The following EWSR1 variants were observed in gnomAD, a reference collection of about 807,000 sequenced individuals.
EWSR1 encodes the protein RNA-binding protein EWS.
Under a neutral mutation model 92.1 loss-of-function variants are expected in EWSR1, and 14 were observed. That is an observed-to-expected ratio of 0.15 (90% CI 0.10 to 0.24). EWSR1 has a LOEUF of 0.24. EWSR1 is among the 10% of genes least tolerant of loss of function. EWSR1 has a pLI of 1.00. For missense variants in EWSR1, 637 were observed against 870.9 expected, an observed-to-expected ratio of 0.73 and a Z score of 3.38; for synonymous variants, 303 against 292.9, an observed-to-expected ratio of 1.03 and a Z score of -0.35.
rs777722463 is a variant in EWSR1, at chr22:29,272,396, G to A, written c.67G>A (p.Ala23Thr). The change falls in exon 3 of 17, where the codon GCC becomes ACC. Residue 23 changes from alanine to threonine, a missense_variant. By Grantham distance (58) the Ala-to-Thr change is moderately conservative. Coordinates refer to ENST00000397938, the MANE Select transcript of EWSR1 (RefSeq NM_005243.4). Reference sequence around the variant, plus strand: ...CTTTTGCAGCTACAGTGCTTACACCGCCCAGCCCACTCAAGGATATGCACA... The same window carrying A: ...CTTTTGCAGCTACAGTGCTTACACCACCCAGCCCACTCAAGGATATGCACA... The part of the protein sequence containing the change: ...AAQQGYSAYT[A>T]QPTQGYAQTT... The A allele has an allele frequency of 6.8e-6, 11 of 1,613,206 alleles. No individual in the cohort carries two copies. The Middle Eastern group carries it at 5.6e-4, about 82-fold the overall frequency.
intron 8 of EWSR1, chr22:29,290,505 C>G (rs1348678167): frequency 6.2e-7 from 1 of 1,612,514 alleles, no homozygotes; most frequent in South Asian, 1.1e-5. Flanking sequence ...TGGGACTAGA[C>G]ACGGTGTCCA....
At chr22:29,291,973 CAAATGTTAA>C (rs2147539819) in intron 9 of EWSR1, 155 bp from the exon 10 acceptor site, 4 of 682,440 alleles carry the variant, frequency 5.9e-6, no homozygotes, top group Admixed American at 2.6e-5. Flanking sequence ...AAACCTTTCA[CAAATGTTAA>C]AGAGACACTG....
rs191493458 is a variant in EWSR1 at position 29,278,567 on chromosome 22, G to C, written c.413+351G>C. Among the ~76,000 whole-genome samples the C allele has an allele frequency of 2.5e-3, 385 of 152,258 alleles. 1 individual carries two copies. The highest frequency in any genetic ancestry group is 4.2e-3 in the Admixed American group (64 of 15,294). ...CGGGGGGGCGCAGTGGCTCACGCCT[G>C]TAATCCCAGCACTTTGGGAGGCCGA... On this transcript the variant is annotated intron_variant, in intron 5 of 16. Transcript: ENST00000397938.
chr22:29,289,309 A>G (rs9625761), intron 8 of EWSR1: 1 of 230,798 alleles, frequency 4.3e-6, no homozygotes, highest in South Asian at 1.8e-4. Context: ...ACCTGATTAC[A>G]TAGAGTTTGG....
At chr22:29,288,151 C>T (rs2060188659) in intron 7 of EWSR1, among the ~76,000 whole-genome samples, 1 of 152,174 alleles carries the variant, frequency 6.6e-6, no homozygotes, top group Admixed American at 6.5e-5. Context: ...AGGATCATTG[C>T]TCTTTTTAAA....
intron 6 of EWSR1, 150 bp downstream of exon 6, chr22:29,282,707 C>A (rs899631984): frequency 5.2e-5 from 29 of 553,344 alleles, no homozygotes; most frequent in African/African-American, 7.9e-5. Flanking sequence ...ACATTAAAGC[C>A]TGAGATCTAG....
chr22:29,288,636 T>C lies in EWSR1; in HGVS notation c.824T>C (p.Met275Thr). ...TTCCGACAGGACCACCCCAGTAGCA[T>C]GGGTGTTTATGGGCAGGAGTCTGGA... ...SSFRQDHPSS[M>T]GVYGQESGGF... is the part of the protein sequence containing the mutation. Residue 275 changes from methionine to threonine, a missense_variant, in exon 8 of 17, where the codon ATG becomes ACG. Around this residue, in one of 5 missense-constraint regions of EWSR1, gnomAD observed 116 missense variants for 167.8 expected, o/e 0.69. Transcript: ENST00000397938. The C allele has an allele frequency of 6.2e-7, 1 of 1,613,320 alleles. No individual in the cohort carries two copies. The highest frequency in any genetic ancestry group is 8.5e-7 in the Non-Finnish European group (1 of 1,179,784).
Position 29,299,283 on chromosome 22 carries a change from A to G in EWSR1, c.1630A>G (p.Lys544Glu). ...CTGGAGAACAGAGTGCAACCAGTGT[A>G]AGGCCCCAAAGCCTGAAGGCTTCCT... ...FAWRTECNQCKAPKPEGFLPP... is the reference protein window; with the variant it reads ...FAWRTECNQCEAPKPEGFLPP... The change falls in exon 15 of 17, where the codon AAG becomes GAG. Residue 544 changes from lysine to glutamate, a missense_variant. Around this residue, in one of 5 missense-constraint regions of EWSR1, gnomAD observed 363 missense variants for 447.8 expected, o/e 0.81. Coordinates refer to ENST00000397938, the MANE Select transcript of EWSR1 (RefSeq NM_005243.4). 6.2e-7 allele frequency: 1 copy of G among 1,614,054 alleles called. No individual in the cohort carries two copies. Among genetic ancestry groups the G allele is most frequent in the Non-Finnish European group, 8.5e-7 (1 of 1,179,932 alleles).
intron 8 of EWSR1, chr22:29,291,129 C>A: frequency 4.1e-6 from 1 of 241,672 alleles, no homozygotes; most frequent in Non-Finnish European, 8.0e-6. Context: ...TGTTAGGAAA[C>A]CCTGGGCCTC....
At chr22:29,292,190 T>C in intron 10 of EWSR1, 21 bp downstream of exon 10, 1 of 1,612,428 alleles carries the variant, frequency 6.2e-7, no homozygotes, top group South Asian at 1.1e-5. Flanking sequence ...ATTCTAGTTG[T>C]GCTTCATATC....
In EWSR1 at chr22:29,297,837, T is replaced by C. The variant is rs764772705; in HGVS notation, c.1305T>C (p.Phe435=). 6.2e-7 allele frequency: 1 copy of C among 1,614,004 alleles called. No individual in the cohort carries two copies. Among genetic ancestry groups the C allele is most frequent in the Non-Finnish European group, 8.5e-7 (1 of 1,179,970 alleles). The change falls in exon 13 of 17, where the codon TTT becomes TTC. Residue 435 remains phenylalanine, a synonymous_variant. Coordinates refer to ENST00000397938, the MANE Select transcript of EWSR1 (RefSeq NM_005243.4). ...AAVEWFDGKD[F]QGSKLKVSLA... is the part of the protein sequence containing the mutation. Reference sequence around the variant, plus strand: ...GTTGTCTTGTTCCAGGGAAAGATTTTCAAGGGAGCAAACTTAAAGTCTCCC... The same window carrying C: ...GTTGTCTTGTTCCAGGGAAAGATTTCCAAGGGAGCAAACTTAAAGTCTCCC...
In EWSR1 at chr22:29,300,478, G is replaced by GTT. The variant is rs76631619; in HGVS notation, c.*332_*333dup. 400 of 185,722 alleles carry GTT rather than the reference G, an allele frequency of 2.2e-3. No homozygotes were observed. The highest frequency in any genetic ancestry group is 4.5e-3 in the South Asian group (23 of 5,164). 11.5% of individuals were successfully genotyped at this position (185,722 alleles called of 1,614,324 possible). A position where few individuals can be genotyped will look rare whatever the true frequency, so the allele number is the denominator to read the frequency against. The stretch of plus-strand genomic sequence containing the variant: ...CTGTAACAATGTTCATGGTTGTGAT[G>GTT]TTTTTTTTTTTTTTTTAAATAAAAT... On this transcript the variant is annotated 3_prime_UTR_variant, in exon 17 of 17. Transcript: ENST00000397938.
At chr22:29,270,449 C>A (rs1046243484) in intron 1 of EWSR1, among the ~76,000 whole-genome samples, 2 of 152,128 alleles carry the variant, frequency 1.3e-5, no homozygotes, top group Non-Finnish European at 2.9e-5. Flanking sequence ...AAAGTAATTA[C>A]GTTTGCATCA....
chr22:29,268,282 A>T lies in EWSR1; in HGVS notation c.-55A>T, dbSNP rs1260717558. On this transcript the variant is annotated 5_prime_UTR_variant, in exon 1 of 17. Coordinates refer to ENST00000397938, the MANE Select transcript of EWSR1 (RefSeq NM_005243.4). Reference sequence around the variant, plus strand: ...TTTGCGCCTGCGCAGTGCGGCGCCTAGAGGGAAAGCGAGAGGGAGACGGAC... The same window carrying T: ...TTTGCGCCTGCGCAGTGCGGCGCCTTGAGGGAAAGCGAGAGGGAGACGGAC... The T allele has an allele frequency of 1.9e-6, 3 of 1,601,004 alleles. No individual in the cohort carries two copies. Among genetic ancestry groups the T allele is most frequent in the East Asian group, 4.5e-5 (2 of 44,822 alleles).
chr22:29,290,819 C>T (rs1569101553), intron 8 of EWSR1: 2 of 434,932 alleles, frequency 4.6e-6, no homozygotes, highest in Non-Finnish European at 6.8e-6. Flanking sequence ...GGGGAGCTGC[C>T]TTTATTTAAT....
Position 29,268,352 on chromosome 22 carries a change from G to A in EWSR1, c.13+3G>A, listed in dbSNP as rs923446320. ...AGGAGAGAAAATGGCGTCCACGGGT[G>A]AGTATGGTGGAACTGCGGTCGCGCC... On this transcript the variant is annotated splice_donor_region_variant and intron_variant, in intron 1 of 16. Coordinates refer to ENST00000397938, the MANE Select transcript of EWSR1 (RefSeq NM_005243.4). The A allele has an allele frequency of 3.8e-5, 62 of 1,614,038 alleles. No individual in the cohort carries two copies. The highest frequency in any genetic ancestry group is 4.8e-5 in the Non-Finnish European group (57 of 1,180,000).
At chr22:29,292,464 C>T (rs1054168001) in intron 10 of EWSR1, 24 bp from the exon 11 acceptor site, 13 of 1,460,802 alleles carry the variant, frequency 8.9e-6, no homozygotes, top group Middle Eastern at 2.0e-4. Context: ...GATAATAATT[C>T]TCCTGTCTTG....
intron 7 of EWSR1, among the ~76,000 whole-genome samples, chr22:29,287,569 A>T (rs72547435): frequency 0.051 from 7,712 of 151,918 alleles, 260 homozygotes; most frequent in Non-Finnish European, 0.076. Context: ...GGAATCCAGG[A>T]CACATCTTTA....
chr22:29,293,493 A>G (rs2060603404), intron 11 of EWSR1, among the ~76,000 whole-genome samples: 1 of 152,160 alleles, frequency 6.6e-6, no homozygotes, highest in Non-Finnish European at 1.5e-5. Flanking sequence ...TTTCAGGAGA[A>G]TTTACATTTT....
Sources: allele counts gnomAD v4.1 joint callset (sites outside exome capture counted in the v4.1 genomes callset), GRCh38; gene constraint gnomAD v4.1.1; regional missense constraint gnomAD v4.1.1; transcripts MANE v1.5; gene names NCBI Gene and HGNC (gene_info 2026-07-23, HGNC 2026-07-21).